The following ELSPBP1 variants were observed in gnomAD, a reference collection of about 807,000 sequenced individuals.
The protein encoded by ELSPBP1 is epididymal sperm-binding protein 1.
A neutral mutation model predicts 33.3 loss-of-function variants in ELSPBP1; 38 were observed. The ratio of observed to expected loss-of-function variants is 1.14; its 90% CI spans 0.88 to 1.50. The LOEUF (loss-of-function observed/expected upper bound fraction) is 1.50. Among genes scored for constraint, ELSPBP1 ranks in the 40% most tolerant of loss-of-function variants. ELSPBP1 has a pLI of 0.00. For missense variants in ELSPBP1, 267 were observed against 263.5 expected (o/e 1.01, Z -0.09); for synonymous variants, 85 against 94.1 (o/e 0.90, Z 0.56).
intron 3 of ELSPBP1, among the ~76,000 whole-genome samples, chr19:48,015,571 T>C (rs574040294): frequency 9.6e-4 from 146 of 152,126 alleles, no homozygotes; most frequent in African/African-American, 2.9e-3. Context: ...GGCAGGAGAA[T>C]TGCTTGAACC....
At position 48,000,025 on chromosome 19, in the gene ELSPBP1, T is replaced by G. The variant is rs188864275; in HGVS notation, c.-18+5214T>G. ...TTTGTAGAGAAGGAGGGGGTCTCAC[T>G]ACGTTGCACAAGCTGGTCTTGAACT... On this transcript the variant is annotated intron_variant, in intron 1 of 6. Coordinates refer to ENST00000339841, the MANE Select transcript of ELSPBP1 (RefSeq NM_022142.5). Among the ~76,000 whole-genome samples, 310 of 149,702 alleles carry G rather than the reference T, an allele frequency of 2.1e-3. 1 individual carries two copies. Among genetic ancestry groups the G allele is most frequent in the African/African-American group, 7.1e-3 (288 of 40,706 alleles).
At chr19:48,000,333 T>C (rs957332218) in intron 1 of ELSPBP1, among the ~76,000 whole-genome samples, 7 of 150,620 alleles carry the variant, frequency 4.6e-5, no homozygotes, top group Admixed American at 4.0e-4. Flanking sequence ...CTCTGCCTCC[T>C]GGGTTCAAGC....
chr19:48,002,715 C>T (rs139890726), intron 1 of ELSPBP1, among the ~76,000 whole-genome samples: 12 of 152,330 alleles, frequency 7.9e-5, no homozygotes, highest in East Asian at 7.7e-4. Flanking sequence ...TTGCTTGAAC[C>T]GGGGAGGCGG....
intron 4 of ELSPBP1, 43 bp from the exon 5 acceptor site, chr19:48,019,676 A>T (rs201359039): frequency 6.3e-7 from 1 of 1,580,320 alleles, no homozygotes; most frequent in Admixed American, 1.8e-5. Context: ...AGCTCTTTTC[A>T]TCTCCTCTTC....
chr19:48,015,759 G>T, intron 3 of ELSPBP1, 134 bp from the exon 4 acceptor site: 1 of 779,944 alleles, frequency 1.3e-6, no homozygotes, highest in Non-Finnish European at 2.0e-6. Context: ...GCAAATGCTT[G>T]ATGAAATAAT....
At chr19:48,015,696 G>A (rs925856538) in intron 3 of ELSPBP1, among the ~76,000 whole-genome samples, 197 bp from the exon 4 acceptor site, 1 of 152,106 alleles carries the variant, frequency 6.6e-6, no homozygotes, top group East Asian at 1.9e-4. Context: ...TCACATATAA[G>A]TGGACCCGAG....
intron 4 of ELSPBP1, among the ~76,000 whole-genome samples, chr19:48,016,878 C>T (rs1051963465): frequency 5.9e-5 from 9 of 152,150 alleles, no homozygotes; most frequent in Non-Finnish European, 5.9e-5. Context: ...GGATTACAGG[C>T]ATGAGGCACT....
At position 48,011,762 on chromosome 19, in the gene ELSPBP1, T is replaced by C. The variant is rs910328087; in HGVS notation, c.71-2409T>C. ...ATGACAATAGCGTGGAGAATGATGATGATGACAGTGATGGTAATGATGATG... is the reference window on the plus strand; with the variant it reads ...ATGACAATAGCGTGGAGAATGATGACGATGACAGTGATGGTAATGATGATG... On this transcript the variant is annotated intron_variant, in intron 2 of 6. Transcript: ENST00000339841. The surrounding 1 kb of genome is among the most constrained non-coding windows in gnomAD (Gnocchi z 4.5). Among the ~76,000 whole-genome samples the C allele has an allele frequency of 2.6e-5, 4 of 152,038 alleles. No homozygotes were observed. The highest frequency in any genetic ancestry group is 9.7e-5 in the African/African-American group (4 of 41,392).
At chr19:48,004,196 G>A (rs1010391543) in intron 1 of ELSPBP1, among the ~76,000 whole-genome samples, 6 of 151,858 alleles carry the variant, frequency 4.0e-5, no homozygotes, top group African/African-American at 9.7e-5. Flanking sequence ...TGCCCGCCTC[G>A]GCCTCCCAAG....
At chr19:48,007,088 G>A (rs183322526) in intron 1 of ELSPBP1, among the ~76,000 whole-genome samples, 59 of 152,162 alleles carry the variant, frequency 3.9e-4, no homozygotes, top group South Asian at 1.5e-3. Flanking sequence ...ATGCCTTCCC[G>A]AGCTATCCTG....
intron 6 of ELSPBP1, 77 bp downstream of exon 6, chr19:48,022,411 C>G: frequency 7.7e-7 from 1 of 1,295,692 alleles, no homozygotes; most frequent in Non-Finnish European, 1.0e-6. Flanking sequence ...GTCACTGATG[C>G]GAAGGCGAGA....
chr19:47,999,360 C>T (rs2122288590), intron 1 of ELSPBP1, among the ~76,000 whole-genome samples: 2 of 151,190 alleles, frequency 1.3e-5, no homozygotes, highest in Middle Eastern at 3.4e-3. Flanking sequence ...AGGAACTTGT[C>T]ACCACCCCAT....
chr19:48,011,424 G>A lies in ELSPBP1; in HGVS notation c.70+2687G>A, dbSNP rs901859517. ...GATGTCAATAATGATGTGATGAGGA[G>A]GAGAATAATGATCACGATGACAGTG... On this transcript the variant is annotated intron_variant, in intron 2 of 6. Transcript: ENST00000339841. This position sits in a 1 kb window ranked among gnomAD's most constrained non-coding sequence, Gnocchi z 4.5. Among the ~76,000 whole-genome samples, 7 of 140,040 alleles carry A rather than the reference G, an allele frequency of 5.0e-5. No homozygotes were observed. Among genetic ancestry groups the A allele is most frequent in the Admixed American group, 1.5e-4 (2 of 13,444 alleles). 91.9% of individuals were successfully genotyped at this position (140,040 alleles called of 152,430 possible).
intron 1 of ELSPBP1, among the ~76,000 whole-genome samples, chr19:48,000,011 G>A (rs1162061593): frequency 6.6e-6 from 1 of 151,392 alleles, no homozygotes; most frequent in Non-Finnish European, 1.5e-5. Flanking sequence ...TTGTAGAGAA[G>A]GAGGGGGTCT....
intron 3 of ELSPBP1, 63 bp downstream of exon 3, chr19:48,014,371 G>A: frequency 6.4e-7 from 1 of 1,565,166 alleles, no homozygotes; most frequent in East Asian, 2.3e-5. Context: ...AAAAGAGAAT[G>A]TGTGACTGTC....
At chr19:48,017,538 A>G (rs10415300) in intron 4 of ELSPBP1, among the ~76,000 whole-genome samples, 25,243 of 152,168 alleles carry the variant, frequency 0.17, 2,157 homozygotes, top group South Asian at 0.23. Context: ...TCATTAATAC[A>G]TCATTAATTC....
chr19:48,003,781 G>A (rs552915659), intron 1 of ELSPBP1, among the ~76,000 whole-genome samples: 2 of 150,632 alleles, frequency 1.3e-5, no homozygotes, highest in South Asian at 2.1e-4. Context: ...CCTGACCTCA[G>A]ACGATCTGCC....
chr19:48,011,088 CAAT>C lies in ELSPBP1; in HGVS notation c.70+2356_70+2358del, dbSNP rs1229676233. Among the ~76,000 whole-genome samples, 4 of 151,592 alleles carry C rather than the reference CAAT, an allele frequency of 2.6e-5. No individual in the cohort carries two copies. The highest frequency in any genetic ancestry group is 9.7e-5 in the African/African-American group (4 of 41,210). On this transcript the variant is annotated intron_variant, in intron 2 of 6. Coordinates refer to ENST00000339841, the MANE Select transcript of ELSPBP1 (RefSeq NM_022142.5). The surrounding 1 kb of genome is among the most constrained non-coding windows in gnomAD (Gnocchi z 4.5). ...ACAATGATGACGGTAATGATGACAA[CAAT>C]AATAGCGACAATGACAATGATGATG...
chr19:48,014,476 A>G (rs1967110917), intron 3 of ELSPBP1, among the ~76,000 whole-genome samples, 168 bp downstream of exon 3: 1 of 139,506 alleles, frequency 7.2e-6, no homozygotes, highest in Admixed American at 8.0e-5. Flanking sequence ...AACTTGTGTG[A>G]GAACACATGG....
Sources: allele counts gnomAD v4.1 joint callset (sites outside exome capture counted in the v4.1 genomes callset), GRCh38; gene constraint gnomAD v4.1.1; non-coding constraint Gnocchi (gnomAD v3.1); transcripts MANE v1.5; gene names NCBI Gene and HGNC (gene_info 2026-07-23, HGNC 2026-07-21).